The following PPM1L variants were observed in gnomAD, a reference collection of about 807,000 sequenced individuals.
PPM1L encodes the protein protein phosphatase, Mg2+/Mn2+ dependent 1L, also known as protein phosphatase 1L.
A neutral mutation model predicts 31.4 loss-of-function variants in PPM1L; 13 were observed. The ratio of observed to expected loss-of-function variants is 0.41; its 90% CI spans 0.27 to 0.66. The LOEUF (loss-of-function observed/expected upper bound fraction) is 0.66. PPM1L is among the 30% of genes least tolerant of loss of function. PPM1L has a pLI of 0.29. For missense variants in PPM1L, 326 were observed against 453.7 expected (o/e 0.72, Z 2.56); for synonymous variants, 184 against 175.4 (o/e 1.05, Z -0.39).
intron 1 of PPM1L, among the ~76,000 whole-genome samples, chr3:160,942,130 A>ATGT (rs1715182923): frequency 6.6e-6 from 1 of 152,250 alleles, no homozygotes; most frequent in South Asian, 2.1e-4. Flanking sequence ...ATGCTTCACC[A>ATGT]AAACATGTAG....
intron 1 of PPM1L, among the ~76,000 whole-genome samples, chr3:160,834,396 G>A (rs528934144): frequency 1.7e-4 from 25 of 151,502 alleles, no homozygotes; most frequent in Non-Finnish European, 2.9e-4. Context: ...TAGAAGTGCC[G>A]TCTTATTTCT....
chr3:161,030,464 C>T (rs763640892), intron 2 of PPM1L, among the ~76,000 whole-genome samples: 1 of 152,170 alleles, frequency 6.6e-6, no homozygotes, highest in Non-Finnish European at 1.5e-5. Flanking sequence ...TTGGACTTCC[C>T]GGCCTCTAGA....
chr3:160,956,944 G>C lies in PPM1L; in HGVS notation c.400-4792G>C, dbSNP rs947651667. 2.6e-5 allele frequency among the ~76,000 whole-genome samples: 4 copies of C among 152,202 alleles called. 1 individual carries two copies. Reference sequence around the variant, plus strand: ...ATAAAGCATTGAACCAGATGTGGGGGAACACAATAGTGTGTAAGATACAGT... The same window carrying C: ...ATAAAGCATTGAACCAGATGTGGGGCAACACAATAGTGTGTAAGATACAGT... On this transcript the variant is annotated intron_variant, in intron 1 of 3. Transcript: ENST00000498165.
chr3:160,798,021 T>C (rs1712311907), intron 1 of PPM1L, among the ~76,000 whole-genome samples: 1 of 151,986 alleles, frequency 6.6e-6, no homozygotes, highest in East Asian at 1.9e-4. Flanking sequence ...CTACTAACAA[T>C]ACAAAAATTA....
intron 1 of PPM1L, among the ~76,000 whole-genome samples, chr3:160,880,314 T>C (rs1269058724): frequency 6.6e-6 from 1 of 152,044 alleles, no homozygotes; most frequent in Non-Finnish European, 1.5e-5. Context: ...TCACAACCAA[T>C]TAAGTTAAAA....
In PPM1L at chr3:161,074,898, G is replaced by C. The variant is rs1020717923; in HGVS notation, c.*5741G>C. 3 of 152,202 alleles carry C rather than the reference G, an allele frequency of 2.0e-5. No individual in the cohort carries two copies. The highest frequency in any genetic ancestry group is 6.5e-5 in the Admixed American group (1 of 15,276). The allele number at this position is 152,202 out of a possible 1,614,324, so 9.4% of individuals were successfully genotyped here. A position where few individuals can be genotyped will look rare whatever the true frequency, so the allele number is the denominator to read the frequency against. ...AGCAAAGGCATAGACTGTATTTAGAGATGTGGTTTCATTTATTCTTGAAGT... is the reference window on the plus strand; with the variant it reads ...AGCAAAGGCATAGACTGTATTTAGACATGTGGTTTCATTTATTCTTGAAGT... On this transcript the variant is annotated 3_prime_UTR_variant, in exon 4 of 4. Coordinates refer to ENST00000498165, the MANE Select transcript of PPM1L (RefSeq NM_139245.4).
chr3:160,940,247 T>A (rs1257849404), intron 1 of PPM1L, among the ~76,000 whole-genome samples: 1 of 152,146 alleles, frequency 6.6e-6, no homozygotes, highest in Non-Finnish European at 1.5e-5. Context: ...GCACAAGCAT[T>A]TGGAAAATTT....
chr3:160,944,067 A>G lies in PPM1L; in HGVS notation c.400-17669A>G, dbSNP rs185454312. 1.7e-3 allele frequency among the ~76,000 whole-genome samples: 257 copies of G among 152,152 alleles called. 2 individuals are homozygous for G. Among genetic ancestry groups the G allele is most frequent in the Middle Eastern group, 3.4e-3 (1 of 294 alleles). On this transcript the variant is annotated intron_variant, in intron 1 of 3. Transcript: ENST00000498165. ...CGTGGATCATCCTTGTTTATGGACT[A>G]TTTGGGTATAGGACATAAAGATAGG... is the stretch of plus-strand genomic sequence containing the variant.
rs972446387 is a variant in PPM1L at position 161,010,438 on chromosome 3, G to C, written c.574+48528G>C. On this transcript the variant is annotated intron_variant, in intron 2 of 3. Coordinates refer to ENST00000498165, the MANE Select transcript of PPM1L (RefSeq NM_139245.4). ...CAGTCTATCATTGTTGGACATTTGG[G>C]TTGGTTCCAAGTCTTTGCTATTGTG... 3.3e-5 allele frequency among the ~76,000 whole-genome samples: 5 copies of C among 152,178 alleles called. No individual in the cohort carries two copies. In the South Asian group the frequency reaches 8.3e-4, roughly 25 times the overall value.
intron 1 of PPM1L, among the ~76,000 whole-genome samples, chr3:160,920,432 A>G (rs1157102624): frequency 6.6e-6 from 1 of 152,158 alleles, no homozygotes; most frequent in Non-Finnish European, 1.5e-5. Context: ...CTAAATGGAT[A>G]AAACCTGAAG....
intron 1 of PPM1L, among the ~76,000 whole-genome samples, chr3:160,866,336 A>G (rs1486440415): frequency 6.6e-6 from 1 of 152,208 alleles, no homozygotes; most frequent in African/African-American, 2.4e-5. Flanking sequence ...GCTGTTTGCT[A>G]GATTTTACCA....
chr3:160,837,724 G>A (rs927619064), intron 1 of PPM1L, among the ~76,000 whole-genome samples: 1 of 152,144 alleles, frequency 6.6e-6, no homozygotes, highest in African/African-American at 2.4e-5. Context: ...ACCCTTGGAG[G>A]TCAGAACACA....
rs142083125 is a variant in PPM1L at position 161,040,563 on chromosome 3, A to T, written c.575-24840A>T. On this transcript the variant is annotated intron_variant, in intron 2 of 3. Transcript: ENST00000498165. The stretch of plus-strand genomic sequence containing the variant: ...GGTTATTTACTTTCTGCAGTGCTCT[A>T]ATTGGGCACTATAGCATATGGCCAA... Among the ~76,000 whole-genome samples, 647 of 152,352 alleles carry T rather than the reference A, an allele frequency of 4.2e-3. 5 individuals carry two copies. Among genetic ancestry groups the T allele is most frequent in the African/African-American group, 0.014 (599 of 41,578 alleles).
In PPM1L at chr3:160,808,383, C is replaced by CTCTGTGTGTG. The variant is rs1204425630; in HGVS notation, c.399+51677_399+51678insCTGTGTGTGT. On this transcript the variant is annotated intron_variant, in intron 1 of 3. Transcript: ENST00000498165. ...TAAGAGCTGCAGTGCCAGGATTTTC[C>CTCTGTGTGTG]TGTGTGTGTGTGTGTGTGTGTGTGT... 9.2e-4 allele frequency among the ~76,000 whole-genome samples: 102 copies of CTCTGTGTGTG among 110,362 alleles called. 5 individuals are homozygous for CTCTGTGTGTG. The highest frequency in any genetic ancestry group is 4.9e-3 in the Middle Eastern group (1 of 206). The allele number at this position is 110,362 out of a possible 152,430, so 72.4% of individuals were successfully genotyped here.
At chr3:160,955,392 A>G (rs964753884) in intron 1 of PPM1L, among the ~76,000 whole-genome samples, 2 of 151,982 alleles carry the variant, frequency 1.3e-5, no homozygotes, top group Admixed American at 6.6e-5. Context: ...GTTCCCTCCT[A>G]TCTTAATTTC....
chr3:160,762,369 G>A (rs1178800167), intron 1 of PPM1L, among the ~76,000 whole-genome samples: 2 of 152,202 alleles, frequency 1.3e-5, no homozygotes, highest in African/African-American at 4.8e-5. Context: ...GTATGGGAAT[G>A]TAGGAACCTG....
intron 1 of PPM1L, among the ~76,000 whole-genome samples, chr3:160,886,399 G>A (rs1712917893): frequency 6.6e-6 from 1 of 152,208 alleles, no homozygotes; most frequent in Non-Finnish European, 1.5e-5. Flanking sequence ...ACCTAAATGG[G>A]TGAGACCCTC....
chr3:160,968,328 C>T (rs1251203325), intron 2 of PPM1L, among the ~76,000 whole-genome samples: 1 of 152,088 alleles, frequency 6.6e-6, no homozygotes, highest in Non-Finnish European at 1.5e-5. Context: ...TACAAGTTTT[C>T]GTACACTTCA....
At chr3:160,872,478 G>T (rs1712348175) in intron 1 of PPM1L, among the ~76,000 whole-genome samples, 1 of 152,082 alleles carries the variant, frequency 6.6e-6, no homozygotes, top group African/African-American at 2.4e-5. Context: ...CAGGTCCCCT[G>T]CTCTCAGGAA....
Sources: gnomAD v4.1 joint callset for allele counts (sites outside exome capture counted in the v4.1 genomes callset) on GRCh38, gnomAD v4.1.1 for gene constraint, MANE v1.5 for transcripts, NCBI Gene and HGNC (gene_info 2026-07-23, HGNC 2026-07-21) for gene names.